Variants in ACTR3C observed in about 807,000 individuals in gnomAD.
The protein encoded by ACTR3C is actin-related protein 3C.
In ACTR3C, 18 loss-of-function variants were observed where a neutral mutation model predicts 26.3. The ratio of observed to expected loss-of-function variants is 0.68; its 90% confidence interval spans 0.47 to 1.01. The LOEUF (loss-of-function observed/expected upper bound fraction) is 1.01. ACTR3C is among the 50% of genes least tolerant of loss of function. The pLI is 0.00. For synonymous variants in ACTR3C, 55 were observed against 94.5 expected (o/e 0.58, Z 2.42); for missense variants, 184 against 250.7 (o/e 0.73, Z 1.80).
the ACTR3C span, among the ~76,000 whole-genome samples, chr7:150,174,181 T>C: frequency 1.4e-5 from 2 of 139,626 alleles, no homozygotes; most frequent in Non-Finnish European, 3.0e-5. Flanking sequence ...TTCATGCTGC[T>C]GATAAAGACA....
the ACTR3C span, among the ~76,000 whole-genome samples, chr7:150,167,663 A>G: frequency 1.3e-5 from 2 of 150,670 alleles, no homozygotes; most frequent in African/African-American, 5.0e-5. Context: ...TACAACTTAG[A>G]ATCTGATGAT....
At chr7:149,887,942 C>T in the ACTR3C span, among the ~76,000 whole-genome samples, 56 of 152,334 alleles carry the variant, frequency 3.7e-4, no homozygotes, top group African/African-American at 1.3e-3. Flanking sequence ...CTTTTGCCTC[C>T]TGCCATGATT....
chr7:150,037,322 G>T, the ACTR3C span, among the ~76,000 whole-genome samples: 2,701 of 43,062 alleles, frequency 0.063, 499 homozygotes, highest in African/African-American at 0.2. Context: ...ACGATGCGGG[G>T]TCCTAAGCCG....
At chr7:149,936,491 T>A in the ACTR3C span, among the ~76,000 whole-genome samples, 2 of 152,226 alleles carry the variant, frequency 1.3e-5, no homozygotes, top group Admixed American at 6.5e-5. Context: ...GAAAATAATT[T>A]ACTCTACATG....
the ACTR3C span, among the ~76,000 whole-genome samples, chr7:150,203,557 G>A: frequency 6.7e-5 from 10 of 149,766 alleles, no homozygotes; most frequent in African/African-American, 2.3e-4. Flanking sequence ...CTACCTAGGT[G>A]TTTTTTTCTG....
the ACTR3C span, among the ~76,000 whole-genome samples, chr7:150,138,687 G>A: frequency 0.011 from 1,623 of 152,354 alleles, 1 homozygote; most frequent in African/African-American, 0.037. Context: ...TGCTCCCACA[G>A]TAAACAAATC....
chr7:150,037,115 A>AC, the ACTR3C span, among the ~76,000 whole-genome samples: 4 of 87,284 alleles, frequency 4.6e-5, no homozygotes, highest in East Asian at 1.1e-3. Context: ...CAGGGGGGGA[A>AC]GAGGGACTGG....
chr7:150,092,016 A>AAAAAAAAAAAC, the ACTR3C span, among the ~76,000 whole-genome samples: 1 of 138,096 alleles, frequency 7.2e-6, no homozygotes, highest in Non-Finnish European at 1.6e-5. Context: ...AAAAAAAAAA[A>AAAAAAAAAAAC]AAAAAAGAAA....
the ACTR3C span, among the ~76,000 whole-genome samples, chr7:149,930,283 G>C: frequency 6.6e-6 from 1 of 152,166 alleles, no homozygotes; most frequent in African/African-American, 2.4e-5. Flanking sequence ...GATTCTAGAA[G>C]GGAAAATGTG....
chr7:150,124,915 T>A, the ACTR3C span, among the ~76,000 whole-genome samples: 45 of 152,350 alleles, frequency 3.0e-4, no homozygotes, highest in East Asian at 2.5e-3. Context: ...ATCGTCCCCA[T>A]CTTACACATG....
chr7:149,937,192 G>A, the ACTR3C span, among the ~76,000 whole-genome samples: 22 of 12,184 alleles, frequency 1.8e-3, 1 homozygote, highest in Non-Finnish European at 0.017. Flanking sequence ...TATTTGTAGC[G>A]CTTTGTGCTA....
chr7:150,226,579 G>T, the ACTR3C span, among the ~76,000 whole-genome samples: 1 of 152,128 alleles, frequency 6.6e-6, no homozygotes, highest in Non-Finnish European at 1.5e-5. Context: ...TGGGGCTACA[G>T]GCACGCACCA....
At chr7:150,178,189 G>A in the ACTR3C span, among the ~76,000 whole-genome samples, 7 of 150,176 alleles carry the variant, frequency 4.7e-5, 1 homozygote, top group African/African-American at 1.0e-4. Context: ...CTGACACCTC[G>A]ATTTTCTTCC....
downstream of ACTR3C, chr7:150,245,485 A>G (rs942336304): frequency 2.6e-5 from 4 of 152,226 alleles, no homozygotes; most frequent in African/African-American, 9.7e-5. Context: ...AGAAGGCCGG[A>G]GGGCCACTCA....
chr7:150,239,693 C>T (rs1315892659), downstream of ACTR3C, among the ~76,000 whole-genome samples: 1 of 149,256 alleles, frequency 6.7e-6, no homozygotes, highest in African/African-American at 2.5e-5. Flanking sequence ...AATGATTCTT[C>T]AATTACATTC....
chr7:150,114,870 G>A, the ACTR3C span, among the ~76,000 whole-genome samples: 2 of 152,158 alleles, frequency 1.3e-5, no homozygotes, highest in South Asian at 4.2e-4. Context: ...GTCAGAGAGG[G>A]CTACAGAGGA....
the ACTR3C span, among the ~76,000 whole-genome samples, chr7:149,937,913 G>T: frequency 6.6e-6 from 1 of 152,158 alleles, no homozygotes; most frequent in Non-Finnish European, 1.5e-5. Flanking sequence ...CTGAACCTAA[G>T]GTATTCAGGT....
At chr7:150,124,032 A>G in the ACTR3C span, among the ~76,000 whole-genome samples, 14 of 152,154 alleles carry the variant, frequency 9.2e-5, no homozygotes, top group Non-Finnish European at 4.4e-5. Flanking sequence ...AAAGTCCAGC[A>G]ATCAAGTCCC....
chr7:150,198,054 CG>C, the ACTR3C span, among the ~76,000 whole-genome samples: 2 of 151,376 alleles, frequency 1.3e-5, no homozygotes, highest in Admixed American at 6.6e-5. Flanking sequence ...CTGTGTTGGC[CG>C]GGCCGGTCTC....
Sources: gnomAD v4.1 joint callset for allele counts (sites outside exome capture counted in the v4.1 genomes callset) on GRCh38, gnomAD v4.1.1 for gene constraint, MANE v1.5 for transcripts, NCBI Gene and HGNC (gene_info 2026-07-23, HGNC 2026-07-21) for gene names.